The following UGT3A1 variants were observed in gnomAD, a reference collection of about 807,000 sequenced individuals.
UGT3A1 encodes UDP glycosyltransferase family 3 member A1.
Under a neutral mutation model 37.6 loss-of-function variants are expected in UGT3A1, and 40 were observed. The ratio of observed to expected loss-of-function variants is 1.06; its 90% CI spans 0.83 to 1.38. The LOEUF is 1.38. Ranked by LOEUF, UGT3A1 falls within the 40% of genes most tolerant of loss-of-function variation. The pLI is 0.00. For synonymous variants in UGT3A1, 256 were observed against 232.3 expected (o/e 1.10, Z -0.93); for missense variants, 642 against 634.2 (o/e 1.01, Z -0.13).
upstream of UGT3A1, chr5:35,991,765 T>C (rs1740959400): frequency 2.2e-6 from 1 of 463,862 alleles, no homozygotes; most frequent in Non-Finnish European, 2.8e-6. Context: ...AAGCTCAAGA[T>C]GTCCCTGAGA....
rs765130586 is a variant in UGT3A1, at chr5:35,957,300, G to T, written c.963C>A (p.Ala321=). 1.9e-6 allele frequency: 3 copies of T among 1,614,132 alleles called. No individual in the cohort carries two copies. The highest frequency in any genetic ancestry group is 2.2e-5 in the East Asian group (1 of 44,876). ...EVLKKMHNAF[A]HLPQGVIWTC... Reference sequence around the variant, plus strand: ...TCCATATCACTCCTTGAGGGAGGTGGGCAAAGGCATTGTGCATCTTCTTGA... The same window carrying T: ...TCCATATCACTCCTTGAGGGAGGTGTGCAAAGGCATTGTGCATCTTCTTGA... The change falls in exon 5 of 7, where the codon GCC becomes GCA. Residue 321 remains alanine, a synonymous_variant. Transcript: ENST00000274278.
At chr5:35,990,360 C>G (rs1186811897) in intron 1 of UGT3A1, among the ~76,000 whole-genome samples, 1 of 152,032 alleles carries the variant, frequency 6.6e-6, no homozygotes, top group African/African-American at 2.4e-5. Flanking sequence ...TCCTTTAGCG[C>G]CCACTACGGA....
chr5:35,959,061 C>T (rs1739473329), intron 4 of UGT3A1, among the ~76,000 whole-genome samples: 1 of 152,070 alleles, frequency 6.6e-6, no homozygotes, highest in South Asian at 2.1e-4. Context: ...AGAGTCTGGG[C>T]GAGGTTCATT....
At chr5:35,986,221 T>C (rs536151698) in intron 2 of UGT3A1, among the ~76,000 whole-genome samples, 59 of 152,218 alleles carry the variant, frequency 3.9e-4, no homozygotes, top group African/African-American at 1.4e-3. Context: ...GGAACCCTCA[T>C]ACACTGTAAA....
chr5:35,999,236 CAA>C (rs34007699), intron 1 of UGT3A1, among the ~76,000 whole-genome samples: 212 of 103,042 alleles, frequency 2.1e-3, no homozygotes, highest in African/African-American at 6.9e-3. Flanking sequence ...GACTCCATCT[CAA>C]AAAAAAAAAA....
At chr5:35,995,701 C>A (rs114045717), upstream of UGT3A1, among the ~76,000 whole-genome samples, 3 of 152,034 alleles carry the variant, frequency 2.0e-5, no homozygotes, top group African/African-American at 7.2e-5. Flanking sequence ...TAAAGAGTCA[C>A]GGGAATGAGT....
At chr5:35,999,366 G>A (rs972661427) in intron 1 of UGT3A1, among the ~76,000 whole-genome samples, 1 of 152,016 alleles carries the variant, frequency 6.6e-6, no homozygotes, top group Non-Finnish European at 1.5e-5. Flanking sequence ...GTAACCAATT[G>A]GCTGATGCCA....
chr5:35,994,698 T>C (rs1478924506), upstream of UGT3A1, among the ~76,000 whole-genome samples: 1 of 152,016 alleles, frequency 6.6e-6, no homozygotes, highest in African/African-American at 2.4e-5. Context: ...CTGAACCAGT[T>C]TAGGTTGTGA....
At chr5:35,971,952 T>C (rs1740059030) in intron 2 of UGT3A1, among the ~76,000 whole-genome samples, 1 of 151,926 alleles carries the variant, frequency 6.6e-6, no homozygotes, top group Non-Finnish European at 1.5e-5. Flanking sequence ...AAGTGTGAGG[T>C]TTCCTGCTGC....
Position 35,957,265 on chromosome 5 carries a change from C to G in UGT3A1, c.998G>C (p.Ser333Thr). 1 of 1,614,192 alleles carries G rather than the reference C, an allele frequency of 6.2e-7. No individual in the cohort carries two copies. The highest frequency in any genetic ancestry group is 8.5e-7 in the Non-Finnish European group (1 of 1,180,038). ...LPQGVIWTCQ[S>T]SHWPRDVHLA... The stretch of plus-strand genomic sequence containing the variant: ...ATGAACATCTCTGGGCCAATGAGAA[C>G]TCTGACATGTCCATATCACTCCTTG... The change falls in exon 5 of 7, where the codon AGT (serine) becomes ACT (threonine). Residue 333 changes from serine (S) to threonine (T), a missense_variant. Transcript: ENST00000274278.
upstream of UGT3A1, among the ~76,000 whole-genome samples, chr5:35,993,418 C>G (rs1028182948): frequency 6.6e-6 from 1 of 151,712 alleles, no homozygotes; most frequent in Non-Finnish European, 1.5e-5. Flanking sequence ...GAGCCAAGAT[C>G]GCGCCACTGC....
At chr5:35,981,744 A>G (rs960141477) in intron 2 of UGT3A1, among the ~76,000 whole-genome samples, 1 of 152,266 alleles carries the variant, frequency 6.6e-6, no homozygotes, top group Admixed American at 6.5e-5. Context: ...TCAAGCAGCT[A>G]CCTGCAGAAG....
intron 2 of UGT3A1, among the ~76,000 whole-genome samples, chr5:35,985,323 T>C (rs1198366572): frequency 2.0e-5 from 3 of 151,992 alleles, no homozygotes; most frequent in African/African-American, 7.2e-5. Flanking sequence ...ATTATCAAAA[T>C]ATCAATGACA....
chr5:35,979,992 G>A (rs899952900), intron 2 of UGT3A1, among the ~76,000 whole-genome samples: 2 of 152,186 alleles, frequency 1.3e-5, no homozygotes, highest in South Asian at 2.1e-4. Context: ...GGAAAGACCT[G>A]TCCTCATGAT....
intron 2 of UGT3A1, among the ~76,000 whole-genome samples, chr5:35,969,537 G>A (rs1394336607): frequency 6.6e-6 from 1 of 152,154 alleles, no homozygotes; most frequent in Admixed American, 6.6e-5. Context: ...GAGAGAATTA[G>A]GTTAGTCAAA....
chr5:35,985,079 TAA>T (rs59401195), intron 2 of UGT3A1, among the ~76,000 whole-genome samples: 10 of 116,024 alleles, frequency 8.6e-5, no homozygotes, highest in African/African-American at 2.6e-4. Context: ...ACATAAAATA[TAA>T]AAAAAAAAAA....
intron 2 of UGT3A1, among the ~76,000 whole-genome samples, chr5:35,985,955 C>G (rs190465188): frequency 4.6e-5 from 7 of 152,224 alleles, no homozygotes; most frequent in Admixed American, 4.6e-4. Context: ...GCAAACTATT[C>G]TTTTCACAAT....
In UGT3A1 at chr5:35,957,425, G is replaced by C. The variant is rs376609468; in HGVS notation, c.844-6C>G. On this transcript the variant is annotated splice_region_variant and splice_polypyrimidine_tract_variant and intron_variant, in intron 4 of 6. Coordinates refer to ENST00000274278, the MANE Select transcript of UGT3A1 (RefSeq NM_152404.4). ...GCAATGAAGTTGTCCAAGTCCTAGA[G>C]AGAGATGACAAAAGAAAGGAGGTGG... is the stretch of plus-strand genomic sequence containing the variant. The C allele has an allele frequency of 2.5e-6, 4 of 1,611,850 alleles. No homozygotes were observed. Among genetic ancestry groups the C allele is most frequent in the African/African-American group, 2.7e-5 (2 of 74,820 alleles).
intron 1 of UGT3A1, among the ~76,000 whole-genome samples, chr5:35,997,973 T>C (rs1422566993): frequency 2.6e-5 from 4 of 152,192 alleles, no homozygotes; most frequent in Admixed American, 1.3e-4. Flanking sequence ...ATTTCAGCTT[T>C]CCCCATGCCT....
Sources: gnomAD v4.1 joint callset for allele counts (sites outside exome capture counted in the v4.1 genomes callset) on GRCh38, gnomAD v4.1.1 for gene constraint, MANE v1.5 for transcripts, NCBI Gene and HGNC (gene_info 2026-07-23, HGNC 2026-07-21) for gene names.